PRSS27: variants seen among roughly 807,000 people sequenced by gnomAD.
The protein encoded by PRSS27 is serine protease 27.
In PRSS27, 25 loss-of-function variants were observed where a neutral mutation model predicts 32.0. That is an observed-to-expected ratio of 0.78 (90% CI 0.57 to 1.09). The LOEUF is 1.09. Ranked by LOEUF, PRSS27 falls within the 50% of genes least tolerant of loss-of-function variation. The probability of loss-of-function intolerance (pLI) is 0.00; values close to 1 mark genes in which losing one functional copy is unlikely to be tolerated. For synonymous variants in PRSS27, 178 were observed against 172.2 expected, an observed-to-expected ratio of 1.03 and a Z score of -0.26; for missense variants, 401 against 394.9, an observed-to-expected ratio of 1.02 and a Z score of -0.13.
Position 2,712,745 on chromosome 16 carries a change from C to T in PRSS27, c.748G>A (p.Gly250Ser). 1 of 1,589,068 alleles carries T rather than the reference C, an allele frequency of 6.3e-7. No individual in the cohort carries two copies. Reference sequence around the variant, plus strand: ...CGGTTCTGGCGGGCACAGCCCTCACCCCAGCTGATCACCCCCGCCTGCAGC... The same window carrying T: ...CGGTTCTGGCGGGCACAGCCCTCACTCCAGCTGATCACCCCCGCCTGCAGC... ...SWLQAGVISW[G>S]EGCARQNRPG... Residue 250 changes from glycine (G) to serine (S), a missense_variant, in exon 6 of 6, where the codon GGT becomes AGT. By Grantham distance (56) the Gly-to-Ser change is moderately conservative. Coordinates refer to ENST00000302641, the MANE Select transcript of PRSS27 (RefSeq NM_031948.5). This position sits in a 1 kb window ranked among gnomAD's most constrained non-coding sequence, Gnocchi z 4.6.
At chr16:2,715,382 T>G in intron 3 of PRSS27, 1 of 258,382 alleles carries the variant, frequency 3.9e-6, no homozygotes, top group East Asian at 8.7e-5. Flanking sequence ...AGCTGAGGTG[T>G]GTGCGGGATG....
At position 2,712,795 on chromosome 16, in the gene PRSS27, A is replaced by AG; in HGVS notation, c.697dup (p.Leu233ProfsTer19). 1 of 1,574,818 alleles carries AG rather than the reference A, an allele frequency of 6.3e-7. No homozygotes were observed. The highest frequency in any genetic ancestry group is 8.6e-7 in the Non-Finnish European group (1 of 1,157,764). On this transcript the variant is annotated frameshift_variant, in exon 6 of 6. Coordinates refer to ENST00000302641, the MANE Select transcript of PRSS27 (RefSeq NM_031948.5). LOFTEE classifies it high-confidence loss of function. This position sits in a 1 kb window ranked among gnomAD's most constrained non-coding sequence, Gnocchi z 4.6. ...CCACGACTGACCCACGAGGCACACC[A>AG]GGGGGCCGCCCGAGTCGCCCTGCGG... is the stretch of plus-strand genomic sequence containing the variant.
chr16:2,712,673 G>C lies in PRSS27; in HGVS notation c.820C>G (p.Arg274Gly), dbSNP rs142372018. Residue 274 changes from arginine to glycine, a missense_variant, in exon 6 of 6, where the codon CGG (arginine) becomes GGG (glycine). Transcript: ENST00000302641. This position sits in a 1 kb window ranked among gnomAD's most constrained non-coding sequence, Gnocchi z 4.6. ...TGGAACTGCAGTTTGGGGATGATCCGATGGATCCAGTTGTGGTGGGCGGTG... is the reference window on the plus strand; with the variant it reads ...TGGAACTGCAGTTTGGGGATGATCCCATGGATCCAGTTGTGGTGGGCGGTG... ...RVTAHHNWIH[R>G]IIPKLQFQPA... 1.3e-6 allele frequency: 2 copies of C among 1,599,396 alleles called. No individual in the cohort carries two copies. Among genetic ancestry groups the C allele is most frequent in the Middle Eastern group, 3.3e-4 (2 of 6,018 alleles).
chr16:2,716,779 G>A (rs536032589), intron 1 of PRSS27: 11 of 545,448 alleles, frequency 2.0e-5, no homozygotes, highest in South Asian at 7.5e-5. Context: ...ATGGGGAGCC[G>A]GTCAGGAGAT....
chr16:2,718,389 C>T (rs2067715355), intron 1 of PRSS27: 1 of 151,030 alleles, frequency 6.6e-6, no homozygotes, highest in East Asian at 1.9e-4. Flanking sequence ...GCGATCTCAG[C>T]TCACTGCAAG....
At position 2,715,720 on chromosome 16, in the gene PRSS27, GC is replaced by G; in HGVS notation, c.233del (p.Arg78ProfsTer18). On this transcript the variant is annotated frameshift_variant, in exon 3 of 6. Transcript: ENST00000302641. LOFTEE classifies it high-confidence loss of function. ...QWVLTAAHCF[R>X]NTSETSLYQV... ...GGGGCAGGGGCGGGCGGACTCACTTGCGGAAGCAGTGCGCAGCCGTCAGGAC... is the reference window on the plus strand; with the variant it reads ...GGGGCAGGGGCGGGCGGACTCACTTGGGAAGCAGTGCGCAGCCGTCAGGAC... 1 of 1,536,252 alleles carries G rather than the reference GC, an allele frequency of 6.5e-7. No homozygotes were observed. The highest frequency in any genetic ancestry group is 8.7e-7 in the Non-Finnish European group (1 of 1,145,412).
chr16:2,720,012 C>G, intron 1 of PRSS27, 103 bp downstream of exon 1: 1 of 1,129,508 alleles, frequency 8.9e-7, no homozygotes. Context: ...TCCCACAGCC[C>G]CAGCCTGTCC....
Position 2,714,062 on chromosome 16 carries a change from T to G in PRSS27, c.508+3A>C. The G allele has an allele frequency of 6.2e-7, 1 of 1,603,712 alleles. No individual in the cohort carries two copies. The highest frequency in any genetic ancestry group is 8.5e-7 in the Non-Finnish European group (1 of 1,173,774). On this transcript the variant is annotated splice_donor_region_variant and intron_variant, in intron 4 of 5. Coordinates refer to ENST00000302641, the MANE Select transcript of PRSS27 (RefSeq NM_031948.5). This position sits in a 1 kb window ranked among gnomAD's most constrained non-coding sequence, Gnocchi z 4.7. ...CCATTCTTTCCCAGCCCTGTCCCCT[T>G]ACCTTCCTCACTGGGGCTGCCCCAG...
Position 2,712,608 on chromosome 16 carries a change from G to A in PRSS27, c.*12C>T, listed in dbSNP as rs370668830. 29 of 1,568,812 alleles carry A rather than the reference G, an allele frequency of 1.8e-5. No homozygotes were observed. The Admixed American group carries it at 1.9e-4, about 10-fold the overall frequency. ...CAGAGCTCTGCTCAAGGGGCTCCTG[G>A]CCCCGGGGGTCTCACTTCTGGCCGC... On this transcript the variant is annotated 3_prime_UTR_variant, in exon 6 of 6. Coordinates refer to ENST00000302641, the MANE Select transcript of PRSS27 (RefSeq NM_031948.5). The surrounding 1 kb of genome is among the most constrained non-coding windows in gnomAD (Gnocchi z 4.6).
chr16:2,712,618 T>C lies in PRSS27; in HGVS notation c.*2A>G. On this transcript the variant is annotated 3_prime_UTR_variant, in exon 6 of 6. Transcript: ENST00000302641. The surrounding 1 kb of genome is among the most constrained non-coding windows in gnomAD (Gnocchi z 4.6). ...CTCAAGGGGCTCCTGGCCCCGGGGG[T>C]CTCACTTCTGGCCGCCCAACCTCGC... 1 of 1,575,612 alleles carries C rather than the reference T, an allele frequency of 6.3e-7. No homozygotes were observed. The highest frequency in any genetic ancestry group is 1.8e-5 in the Admixed American group (1 of 54,708).
chr16:2,713,472 C>A lies in PRSS27; in HGVS notation c.678+57G>T, dbSNP rs1170451265. 3.2e-6 allele frequency: 5 copies of A among 1,579,904 alleles called. No homozygotes were observed. The Admixed American group carries it at 5.0e-5, about 16-fold the overall frequency. Reference sequence around the variant, plus strand: ...CCCATGGAGCGGGGCATGATCCCACCCTGCCCTGGGCCTGGCGGTGGGGAC... The same window carrying A: ...CCCATGGAGCGGGGCATGATCCCACACTGCCCTGGGCCTGGCGGTGGGGAC... On this transcript the variant is annotated intron_variant, in intron 5 of 5. Coordinates refer to ENST00000302641, the MANE Select transcript of PRSS27 (RefSeq NM_031948.5).
In PRSS27 at chr16:2,712,898, C is replaced by T. The variant is rs774884325; in HGVS notation, c.679-84G>A. 4.7e-5 allele frequency: 51 copies of T among 1,086,316 alleles called. No individual in the cohort carries two copies. Among genetic ancestry groups the T allele is most frequent in the East Asian group, 4.5e-4 (17 of 37,788 alleles). 67.3% of individuals were successfully genotyped at this position (1,086,316 alleles called of 1,614,324 possible). ...CAGCCGCACAGGAGGTGTGTAGCTCCGCAATGGATTCCTTCTCTCCATCCC... is the reference window on the plus strand; with the variant it reads ...CAGCCGCACAGGAGGTGTGTAGCTCTGCAATGGATTCCTTCTCTCCATCCC... On this transcript the variant is annotated intron_variant, in intron 5 of 5. Transcript: ENST00000302641. The surrounding 1 kb of genome is among the most constrained non-coding windows in gnomAD (Gnocchi z 4.6).
intron 1 of PRSS27, chr16:2,718,314 T>C (rs1477843575): frequency 6.8e-6 from 1 of 146,532 alleles, no homozygotes; most frequent in Non-Finnish European, 1.5e-5. Context: ...TAAGTCCTAG[T>C]CTTTTTTTTT....
chr16:2,713,981 G>C, intron 4 of PRSS27, 84 bp downstream of exon 4: 1 of 1,392,036 alleles, frequency 7.2e-7, no homozygotes, highest in African/African-American at 1.4e-5. Flanking sequence ...GCAACAGGAA[G>C]ATTGTGGGTT....
intron 5 of PRSS27, 78 bp downstream of exon 5, chr16:2,713,451 T>C (rs539183208): frequency 1.4e-6 from 2 of 1,426,314 alleles, no homozygotes; most frequent in Admixed American, 3.3e-5. Context: ...GCATAGCCCA[T>C]GGAGCGGGGC....
chr16:2,712,837 G>A lies in PRSS27; in HGVS notation c.679-23C>T, dbSNP rs185327415. 369 of 1,496,596 alleles carry A rather than the reference G, an allele frequency of 2.5e-4. 1 individual carries two copies. In the Admixed American group the frequency reaches 6.3e-3, roughly 26 times the overall value. The allele number at this position is 1,496,596 out of a possible 1,614,324, so 92.7% of individuals were successfully genotyped here. A position where few individuals can be genotyped will look rare whatever the true frequency, so the allele number is the denominator to read the frequency against. ...GCCCTGCGGGGGACGCAGAGTCACCGTCAGAGCCCACCTTGAGTTCCCAGA... is the reference window on the plus strand; with the variant it reads ...GCCCTGCGGGGGACGCAGAGTCACCATCAGAGCCCACCTTGAGTTCCCAGA... On this transcript the variant is annotated intron_variant, in intron 5 of 5. Transcript: ENST00000302641. This position sits in a 1 kb window ranked among gnomAD's most constrained non-coding sequence, Gnocchi z 4.6.
intron 1 of PRSS27, 50 bp downstream of exon 1, chr16:2,720,065 G>A (rs1225630896): frequency 2.6e-6 from 4 of 1,510,810 alleles, no homozygotes; most frequent in African/African-American, 2.7e-5. Flanking sequence ...CAGTGCAGCG[G>A]AGCCTGGTGG....
chr16:2,714,300 C>T lies in PRSS27; in HGVS notation c.273G>A (p.Gly91=). 1.2e-6 allele frequency: 2 copies of T among 1,613,324 alleles called. No individual in the cohort carries two copies. Among genetic ancestry groups the T allele is most frequent in the Non-Finnish European group, 1.7e-6 (2 of 1,179,980 alleles). ...GTCCCGGCTGCACTAGCTGCCTTGC[C>T]CCCAGCAGGACCTGGTACAGGGACG... is the stretch of plus-strand genomic sequence containing the variant. ...SETSLYQVLL[G]ARQLVQPGPH... The change falls in exon 4 of 6, where the codon GGG becomes GGA. Residue 91 remains glycine, a synonymous_variant. Transcript: ENST00000302641. This position sits in a 1 kb window ranked among gnomAD's most constrained non-coding sequence, Gnocchi z 4.7.
chr16:2,715,193 G>C (rs531322572), intron 3 of PRSS27: 2 of 140,084 alleles, frequency 1.4e-5, no homozygotes, highest in Non-Finnish European at 2.9e-5. Context: ...TGTGAGGTGA[G>C]GGGGCCTGGG....
Sources: allele counts gnomAD v4.1 joint callset, GRCh38; gene constraint gnomAD v4.1.1; non-coding constraint Gnocchi (gnomAD v3.1); transcripts MANE v1.5; gene names NCBI Gene and HGNC (gene_info 2026-07-23, HGNC 2026-07-21).